RARRES1: variants seen among roughly 807,000 people sequenced by gnomAD.
RARRES1 encodes the protein retinoic acid receptor responder 1.
Under a neutral mutation model 30.6 loss-of-function variants are expected in RARRES1, and 34 were observed. The observed-to-expected ratio is 1.11, with a 90% CI of 0.84 to 1.48. The LOEUF (loss-of-function observed/expected upper bound fraction) is 1.48. Ranked by LOEUF, RARRES1 falls within the 40% of genes most tolerant of loss-of-function variation. The probability of loss-of-function intolerance (pLI) is 0.00; values close to 1 mark genes in which losing one functional copy is unlikely to be tolerated. For synonymous variants in RARRES1, 153 were observed against 155.5 expected, an observed-to-expected ratio of 0.98 and a Z score of 0.12; for missense variants, 373 against 386.5, an observed-to-expected ratio of 0.97 and a Z score of 0.29.
intron 2 of RARRES1, 94 bp from the exon 3 acceptor site, chr3:158,711,027 G>C: frequency 8.5e-7 from 1 of 1,174,012 alleles, no homozygotes; most frequent in Non-Finnish European, 1.2e-6. Context: ...TACAAGGCAG[G>C]CAGGCTCTGG....
intron 1 of RARRES1, among the ~76,000 whole-genome samples, chr3:158,722,028 T>G (rs1362420443): frequency 2.9e-5 from 4 of 137,214 alleles, no homozygotes; most frequent in African/African-American, 1.1e-4. Flanking sequence ...GAGGTGGAGT[T>G]TGCGGGTGAG....
intron 1 of RARRES1, among the ~76,000 whole-genome samples, chr3:158,719,769 C>A (rs1012277878): frequency 6.6e-6 from 1 of 152,132 alleles, no homozygotes; most frequent in Non-Finnish European, 1.5e-5. Context: ...AGGCCACTTT[C>A]AAAGACCTGT....
intron 3 of RARRES1, among the ~76,000 whole-genome samples, chr3:158,707,436 C>T (rs1425126450): frequency 2.0e-5 from 3 of 151,876 alleles, no homozygotes; most frequent in Non-Finnish European, 2.9e-5. Context: ...AACTGGTTGA[C>T]GGAGATTCTC....
chr3:158,731,140 G>A (rs887744827), intron 1 of RARRES1, among the ~76,000 whole-genome samples: 6 of 152,184 alleles, frequency 3.9e-5, no homozygotes, highest in African/African-American at 1.4e-4. Flanking sequence ...CAGCCGTGCC[G>A]GGTACAGGAA....
rs1256328989 is a variant in RARRES1 at position 158,732,172 on chromosome 3, C to T, written c.244G>A (p.Val82Met). ...FRSGSPSALR[V>M]LAEVQEGRAW... ...CGGCCCTCCTGCACCTCGGCCAGCACTCGTAGCGCGCTGGGCGAGCCGGAC... is the reference window on the plus strand; with the variant it reads ...CGGCCCTCCTGCACCTCGGCCAGCATTCGTAGCGCGCTGGGCGAGCCGGAC... Residue 82 changes from valine to methionine, a missense_variant, in exon 1 of 6, where the codon GTG (valine) becomes ATG (methionine). By Grantham distance (21) the Val-to-Met change is conservative. Coordinates refer to ENST00000237696, the MANE Select transcript of RARRES1 (RefSeq NM_206963.2). 2.1e-6 allele frequency: 3 copies of T among 1,416,270 alleles called. No individual in the cohort carries two copies. Among genetic ancestry groups the T allele is most frequent in the East Asian group, 3.0e-5 (1 of 32,942 alleles). The allele number at this position is 1,416,270 out of a possible 1,614,324, so 87.7% of individuals were successfully genotyped here. A position where few individuals can be genotyped will look rare whatever the true frequency, so the allele number is the denominator to read the frequency against.
chr3:158,723,628 G>C lies in RARRES1; in HGVS notation c.276+8512C>G, dbSNP rs1166987663. On this transcript the variant is annotated intron_variant, in intron 1 of 5. Coordinates refer to ENST00000237696, the MANE Select transcript of RARRES1 (RefSeq NM_206963.2). This position sits in a 1 kb window ranked among gnomAD's most constrained non-coding sequence, Gnocchi z 4.4. ...TAAGTAGCAATGGAGAGGAAAGCCA[G>C]AATACTGTGTGTCCTCTCTCTCAGC... Among the ~76,000 whole-genome samples, 1 of 152,242 alleles carries C rather than the reference G, an allele frequency of 6.6e-6. No homozygotes were observed.
chr3:158,716,908 C>T (rs1463370040), intron 1 of RARRES1, among the ~76,000 whole-genome samples: 1 of 152,202 alleles, frequency 6.6e-6, no homozygotes, highest in Non-Finnish European at 1.5e-5. Flanking sequence ...AAAGTGTCCA[C>T]ATTTCATCCA....
intron 1 of RARRES1, among the ~76,000 whole-genome samples, chr3:158,730,397 T>TTCCTTCCTTCCG (rs1727840651): frequency 2.0e-5 from 2 of 99,834 alleles, no homozygotes; most frequent in African/African-American, 8.3e-5. Flanking sequence ...CCTTCCTTCC[T>TTCCTTCCTTCCG]TCCTTCCTTC....
Position 158,697,781 on chromosome 3 carries a change from G to A in RARRES1, c.782C>T (p.Pro261Leu), listed in dbSNP as rs199904546. The A allele has an allele frequency of 1.2e-6, 2 of 1,610,732 alleles. No individual in the cohort carries two copies. The highest frequency in any genetic ancestry group is 2.2e-5 in the East Asian group (1 of 44,836). ...TTGACAGTGGTACTTCACTTTAAGAGGTTTGCCAGGGTACCAGACCAAGTG... is the reference window on the plus strand; with the variant it reads ...TTGACAGTGGTACTTCACTTTAAGAAGTTTGCCAGGGTACCAGACCAAGTG... ...RIHLVWYPGK[P>L]LKVKYHCQEL... Residue 261 changes from proline (P) to leucine (L), a missense_variant, in exon 6 of 6, where the codon CCT (proline) becomes CTT (leucine). Pro to Leu is a moderately conservative substitution (Grantham distance 98). Coordinates refer to ENST00000237696, the MANE Select transcript of RARRES1 (RefSeq NM_206963.2).
chr3:158,698,210 A>G (rs6772483), intron 4 of RARRES1: 258,355 of 471,300 alleles, frequency 0.55, 72,918 homozygotes, highest in African/African-American at 0.73. Context: ...GATGGAGACC[A>G]AAGTCTGTGG....
Position 158,732,440 on chromosome 3 carries a change from C to A in RARRES1, c.-25G>T. The A allele has an allele frequency of 2.0e-6, 3 of 1,517,398 alleles. No homozygotes were observed. The highest frequency in any genetic ancestry group is 2.6e-6 in the Non-Finnish European group (3 of 1,137,702). 94.0% of individuals were successfully genotyped at this position (1,517,398 alleles called of 1,614,324 possible). The stretch of plus-strand genomic sequence containing the variant: ...TGGACGCAGGAAAGTTGGCTCGGCA[C>A]CCGACAGACACGGGCTCGGAGCGGG... On this transcript the variant is annotated 5_prime_UTR_variant, in exon 1 of 6. Transcript: ENST00000237696.
chr3:158,721,749 G>A (rs905544195), intron 1 of RARRES1, among the ~76,000 whole-genome samples: 3 of 152,142 alleles, frequency 2.0e-5, no homozygotes, highest in African/African-American at 7.2e-5. Context: ...GCTTCTGCAG[G>A]TGCAACTGAT....
chr3:158,731,681 T>C (rs1727892898), intron 1 of RARRES1, among the ~76,000 whole-genome samples: 1 of 152,252 alleles, frequency 6.6e-6, no homozygotes, highest in African/African-American at 2.4e-5. Context: ...CGGTATGGTA[T>C]GGCTACTGGC....
rs761307392 is a variant in RARRES1, at chr3:158,710,751, T to C, written c.522A>G (p.Ile174Met). 2 of 1,609,316 alleles carry C rather than the reference T, an allele frequency of 1.2e-6. No individual in the cohort carries two copies. The highest frequency in any genetic ancestry group is 3.4e-5 in the Admixed American group (2 of 59,686). Reference sequence around the variant, plus strand: ...GCTGATTCATACCAGGTATGCTGACTATTTCCAAGGGGTTTTTCAGTTGCT... The same window carrying C: ...GCTGATTCATACCAGGTATGCTGACCATTTCCAAGGGGTTTTTCAGTTGCT... ...QMKQLKNPLE[I>M]VSIPDNHGHI... Residue 174 changes from isoleucine to methionine, a missense_variant, in exon 3 of 6, where the codon ATA becomes ATG. Transcript: ENST00000237696.
At chr3:158,731,894 A>G (rs989115691) in intron 1 of RARRES1, among the ~76,000 whole-genome samples, 1 of 152,160 alleles carries the variant, frequency 6.6e-6, no homozygotes, top group Non-Finnish European at 1.5e-5. Flanking sequence ...AAAACCTATG[A>G]CCTCATAAAT....
intron 2 of RARRES1, among the ~76,000 whole-genome samples, chr3:158,711,887 C>T (rs1473685439): frequency 6.6e-6 from 1 of 152,184 alleles, no homozygotes; most frequent in Non-Finnish European, 1.5e-5. Context: ...AGCCACCACC[C>T]CCAGCATTCA....
chr3:158,721,901 G>T (rs964709411), intron 1 of RARRES1, among the ~76,000 whole-genome samples: 1 of 152,082 alleles, frequency 6.6e-6, no homozygotes, highest in Non-Finnish European at 1.5e-5. Flanking sequence ...AGACCAGCCT[G>T]ACCAACATGG....
chr3:158,706,584 G>A (rs1041578960), intron 3 of RARRES1, among the ~76,000 whole-genome samples: 4 of 152,150 alleles, frequency 2.6e-5, no homozygotes, highest in Admixed American at 6.5e-5. Context: ...TGCTGGGTGC[G>A]GTGGTCTCAG....
chr3:158,707,929 T>C (rs1443056468), intron 3 of RARRES1, among the ~76,000 whole-genome samples: 1 of 152,240 alleles, frequency 6.6e-6, no homozygotes, highest in Non-Finnish European at 1.5e-5. Context: ...CTTCACTGGC[T>C]TTTCTGTGTA....
Sources: gnomAD v4.1 joint callset for allele counts (sites outside exome capture counted in the v4.1 genomes callset) on GRCh38, gnomAD v4.1.1 for gene constraint, Gnocchi (gnomAD v3.1) non-coding constraint, MANE v1.5 for transcripts, NCBI Gene and HGNC (gene_info 2026-07-23, HGNC 2026-07-21) for gene names.